The following NEK5 variants were observed in gnomAD, a reference collection of about 807,000 sequenced individuals.
NEK5 encodes the protein NIMA related kinase 5.
In NEK5, 88 loss-of-function variants were observed where a neutral mutation model predicts 109.2. The observed-to-expected ratio is 0.81, with a 90% confidence interval of 0.68 to 0.96. NEK5 has a LOEUF of 0.96. NEK5 is among the 40% of genes least tolerant of loss of function. The pLI is 0.00. For missense variants in NEK5, 834 were observed against 920.7 expected (o/e 0.91, Z 1.22); for synonymous variants, 283 against 299.9 (o/e 0.94, Z 0.58).
At chr13:52,069,351 C>A (rs1324251674) in intron 20 of NEK5, among the ~76,000 whole-genome samples, 3 of 152,200 alleles carry the variant, frequency 2.0e-5, no homozygotes. Flanking sequence ...TTTACTCTCT[C>A]CTGATTCTCC....
At chr13:52,112,570 T>A (rs1955778987) in intron 4 of NEK5, among the ~76,000 whole-genome samples, 1 of 152,222 alleles carries the variant, frequency 6.6e-6, no homozygotes, top group Non-Finnish European at 1.5e-5. Context: ...ATTTCTTCTT[T>A]GGATTGTTGG....
intron 12 of NEK5, among the ~76,000 whole-genome samples, chr13:52,097,797 A>AT (rs1004542505): frequency 1.3e-5 from 2 of 151,082 alleles, no homozygotes; most frequent in African/African-American, 4.9e-5. Flanking sequence ...GGATATGGGA[A>AT]TTGGGAGGGG....
At chr13:52,108,595 C>CA (rs1278471171) in intron 7 of NEK5, among the ~76,000 whole-genome samples, 191 bp from the exon 8 acceptor site, 2 of 152,160 alleles carry the variant, frequency 1.3e-5, no homozygotes, top group African/African-American at 4.8e-5. Context: ...ACTTACAATT[C>CA]ACCTCCCAAA....
chr13:52,103,900 C>T lies in NEK5; in HGVS notation c.609+598G>A, dbSNP rs543176297. On this transcript the variant is annotated intron_variant, in intron 9 of 23. Transcript: ENST00000684899. The stretch of plus-strand genomic sequence containing the variant: ...CTCTTAAAAGCTTGTGCCTGGTTTC[C>T]TATGAACTTTGCCCATGTACATTTT... Among the ~76,000 whole-genome samples the T allele has an allele frequency of 5.3e-5, 8 of 152,268 alleles. No homozygotes were observed. In the South Asian group the frequency reaches 1.7e-3, roughly 32 times the overall value.
At chr13:52,045,130 CTTTTTT>C (rs374051509) in intron 23 of NEK5, among the ~76,000 whole-genome samples, 1 of 108,702 alleles carries the variant, frequency 9.2e-6, no homozygotes, top group Admixed American at 1.1e-4. Context: ...AATAAAAAAT[CTTTTTT>C]TTTTTTTTTT....
In NEK5 at chr13:52,056,786, G is replaced by A. The variant is rs374945779; in HGVS notation, c.2110+5033C>T. ...TACAACATACCAGAATCTCTGGGAC[G>A]CATTCAAAGCAGTGTGTAGAGGGAA... On this transcript the variant is annotated intron_variant, in intron 22 of 23. Coordinates refer to ENST00000684899, the MANE Select transcript of NEK5 (RefSeq NM_001365552.1). Among the ~76,000 whole-genome samples the A allele has an allele frequency of 5.9e-3, 897 of 151,658 alleles. 14 individuals carry two copies. The highest frequency in any genetic ancestry group is 0.021 in the African/African-American group (852 of 41,412).
At chr13:52,062,237 A>G (rs1954619450) in intron 21 of NEK5, 2 of 152,198 alleles carry the variant, frequency 1.3e-5, no homozygotes, top group Non-Finnish European at 2.9e-5. Context: ...GGGAAACTCA[A>G]TTTATAGACA....
At position 52,099,760 on chromosome 13, in the gene NEK5, C is replaced by T. The variant is rs1442059440; in HGVS notation, c.1009G>A (p.Ala337Thr). The change falls in exon 12 of 24, where the codon GCC (alanine) becomes ACC (threonine). Residue 337 changes from alanine (A) to threonine (T), a missense_variant. By Grantham distance (58) the Ala-to-Thr change is moderately conservative. Around this residue, in one of 2 missense-constraint regions of NEK5, gnomAD observed 777 missense variants for 824.7 expected, o/e 0.94. Coordinates refer to ENST00000684899, the MANE Select transcript of NEK5 (RefSeq NM_001365552.1). ...TGACTTACAGATCTGGCCTTCTGGG[C>T]TCCAGCTGGTGGTCTCCATTCATTT... ...HRNEWRPPAG[A>T]QKARSIKMIE... 1.2e-6 allele frequency: 2 copies of T among 1,613,664 alleles called. No individual in the cohort carries two copies. Among genetic ancestry groups the T allele is most frequent in the Non-Finnish European group, 8.5e-7 (1 of 1,179,838 alleles).
intron 17 of NEK5, among the ~76,000 whole-genome samples, chr13:52,078,592 G>GTTT (rs10634598): frequency 1.1e-3 from 167 of 149,252 alleles, no homozygotes; most frequent in East Asian, 3.1e-3. Context: ...CAATAAAACT[G>GTTT]TTTTTTTTTT....
At chr13:52,124,895 T>C (rs933107032) in intron 3 of NEK5, among the ~76,000 whole-genome samples, 13 of 152,246 alleles carry the variant, frequency 8.5e-5, no homozygotes, top group African/African-American at 2.4e-4. Context: ...ACTTGAAGGA[T>C]CCAAGTGACC....
intron 8 of NEK5, 28 bp downstream of exon 8, chr13:52,108,290 A>AAGG: frequency 7.5e-7 from 1 of 1,338,138 alleles, no homozygotes; most frequent in African/African-American, 1.4e-5. Context: ...TTTTACTGAC[A>AAGG]CTTTCAAACT....
At chr13:52,085,354 A>C (rs995477356) in intron 16 of NEK5, among the ~76,000 whole-genome samples, 2 of 152,196 alleles carry the variant, frequency 1.3e-5, no homozygotes, top group African/African-American at 2.4e-5. Flanking sequence ...TAAATTACCC[A>C]GTCTTGGGTA....
At chr13:52,111,105 A>G (rs565871338) in intron 5 of NEK5, among the ~76,000 whole-genome samples, 57 of 152,310 alleles carry the variant, frequency 3.7e-4, no homozygotes, top group African/African-American at 1.3e-3. Flanking sequence ...TTACCTTTGA[A>G]GTTTAGTTTT....
In NEK5 at chr13:52,048,830, G is replaced by A. The variant is rs548519301; in HGVS notation, c.2228+1274C>T. ...TTTCTAGGGGCTGGGGTTGGGAGAA[G>A]GTGGAAGGGAAAGCCAGGAGATGTT... On this transcript the variant is annotated intron_variant, in intron 23 of 23. Transcript: ENST00000684899. Among the ~76,000 whole-genome samples the A allele has an allele frequency of 7.9e-5, 12 of 152,256 alleles. No homozygotes were observed. In the South Asian group the frequency reaches 1.7e-3, roughly 21 times the overall value.
At chr13:52,040,181 T>C (rs1359486522) in intron 23 of NEK5, among the ~76,000 whole-genome samples, 2 of 151,138 alleles carry the variant, frequency 1.3e-5, no homozygotes, top group Admixed American at 1.3e-4. Flanking sequence ...GCCTCCCAGG[T>C]TCAAATGATT....
At chr13:52,076,597 C>T (rs886167161) in intron 17 of NEK5, among the ~76,000 whole-genome samples, 1 of 152,200 alleles carries the variant, frequency 6.6e-6, no homozygotes, top group Non-Finnish European at 1.5e-5. Flanking sequence ...GAGATGTGAA[C>T]TCCATATTCG....
In NEK5 at chr13:52,076,142, T is replaced by A; in HGVS notation, c.1574A>T (p.Asp525Val). ...DASEGEAPVQ[D>V]IEKDLKQMRL... ...CATTTGTTTCAAGTCTTTTTCAATG[T>A]CCTGAAAATTTAGAGAAAAATACAA... Residue 525 changes from aspartate to valine, a missense_variant and splice_region_variant, in exon 18 of 24, where the codon GAC becomes GTC. Coordinates refer to ENST00000684899, the MANE Select transcript of NEK5 (RefSeq NM_001365552.1). 1 of 1,564,972 alleles carries A rather than the reference T, an allele frequency of 6.4e-7. No homozygotes were observed. Among genetic ancestry groups the A allele is most frequent in the East Asian group, 2.3e-5 (1 of 44,246 alleles).
At chr13:52,120,093 C>T (rs1199513140) in intron 3 of NEK5, among the ~76,000 whole-genome samples, 3 of 152,114 alleles carry the variant, frequency 2.0e-5, no homozygotes, top group Non-Finnish European at 2.9e-5. Flanking sequence ...TTTCTGATGT[C>T]CACGGGGCCT....
At chr13:52,046,180 T>C (rs990049459) in intron 23 of NEK5, among the ~76,000 whole-genome samples, 2 of 151,722 alleles carry the variant, frequency 1.3e-5, no homozygotes, top group Non-Finnish European at 2.9e-5. Context: ...AATATATTTT[T>C]AAAATCCTGG....
Sources: gnomAD v4.1 joint callset for allele counts (sites outside exome capture counted in the v4.1 genomes callset) on GRCh38, gnomAD v4.1.1 for gene constraint, gnomAD v4.1.1 regional missense constraint, MANE v1.5 for transcripts, NCBI Gene and HGNC (gene_info 2026-07-23, HGNC 2026-07-21) for gene names.